The following PPP2R2D variants were observed in gnomAD, a reference collection of about 807,000 sequenced individuals.
PPP2R2D encodes the protein serine/threonine-protein phosphatase 2A 55 kDa regulatory subunit B delta isoform.
A neutral mutation model predicts 31.1 loss-of-function variants in PPP2R2D; 9 were observed. The observed-to-expected ratio is 0.29, with a 90% CI of 0.17 to 0.51. The LOEUF is 0.51. Among genes scored for constraint, PPP2R2D ranks in the 20% least tolerant of loss-of-function variants. PPP2R2D has a pLI of 0.98. For missense variants in PPP2R2D, 391 were observed against 465.6 expected (o/e 0.84, Z 1.48); for synonymous variants, 179 against 172.6 (o/e 1.04, Z -0.29).
chr10:131,952,165 TGCGG>T, intron 8 of PPP2R2D, among the ~76,000 whole-genome samples: 1 of 88,842 alleles, frequency 1.1e-5, no homozygotes, highest in Non-Finnish European at 2.0e-5. Flanking sequence ...AGCAGTGACT[TGCGG>T]GTGTGCAGGG....
Position 131,947,511 on chromosome 10 carries a change from A to C in PPP2R2D, c.821-19A>C, listed in dbSNP as rs1003416152. The C allele has an allele frequency of 9.3e-6, 15 of 1,607,350 alleles. No individual in the cohort carries two copies. The highest frequency in any genetic ancestry group is 1.0e-5 in the Non-Finnish European group (12 of 1,176,194). On this transcript the variant is annotated intron_variant, in intron 7 of 8. Transcript: ENST00000455566. The surrounding 1 kb of genome is among the most constrained non-coding windows in gnomAD (Gnocchi z 4.3). ...TGATTTTTAAACAGAAGCTGAAAACATTTTATTTTGTTTTTCAGTTTTTGA... is the reference window on the plus strand; with the variant it reads ...TGATTTTTAAACAGAAGCTGAAAACCTTTTATTTTGTTTTTCAGTTTTTGA...
chr10:131,905,823 G>A (rs2035573407), intron 2 of PPP2R2D, among the ~76,000 whole-genome samples: 1 of 152,246 alleles, frequency 6.6e-6, no homozygotes, highest in Admixed American at 6.5e-5. Context: ...AGCCAGCACA[G>A]TACTGATGAA....
In PPP2R2D at chr10:131,956,074, C is replaced by A. The variant is rs1211314021; in HGVS notation, c.*111C>A. On this transcript the variant is annotated 3_prime_UTR_variant, in exon 9 of 9. Coordinates refer to ENST00000455566, the MANE Select transcript of PPP2R2D (RefSeq NM_018461.5). ...ATTAAGAACAGTGACGCACCTGCTA[C>A]TTCCCTTCACAGACACAGGAGAAAG... The A allele has an allele frequency of 1.5e-5, 19 of 1,278,342 alleles. No individual in the cohort carries two copies. In the African/African-American group the frequency reaches 2.9e-4, roughly 20 times the overall value. The allele number at this position is 1,278,342 out of a possible 1,614,324, so 79.2% of individuals were successfully genotyped here. A position where few individuals can be genotyped will look rare whatever the true frequency, so the allele number is the denominator to read the frequency against.
chr10:131,934,910 G>A (rs576764864), intron 3 of PPP2R2D: 10 of 458,632 alleles, frequency 2.2e-5, no homozygotes, highest in African/African-American at 8.0e-5. Context: ...GCCCAGCCCC[G>A]CCGTCCTGCC....
At position 131,945,805 on chromosome 10, in the gene PPP2R2D, C is replaced by A; in HGVS notation, c.820+346C>A. ...TAGAGCCACTTGTTCTTCAGACACT[C>A]CAAAGACTTAGAGAGTTCTTCCTGT... On this transcript the variant is annotated intron_variant, in intron 7 of 8. Coordinates refer to ENST00000455566, the MANE Select transcript of PPP2R2D (RefSeq NM_018461.5). The surrounding 1 kb of genome is among the most constrained non-coding windows in gnomAD (Gnocchi z 4.8). The A allele has an allele frequency of 4.9e-6, 1 of 202,140 alleles. No homozygotes were observed. Among genetic ancestry groups the A allele is most frequent in the Non-Finnish European group, 1.0e-5 (1 of 98,370 alleles). The allele number at this position is 202,140 out of a possible 1,614,324, so 12.5% of individuals were successfully genotyped here. A position where few individuals can be genotyped will look rare whatever the true frequency, so the allele number is the denominator to read the frequency against.
At chr10:131,911,490 C>G (rs1374857704) in intron 2 of PPP2R2D, 1 of 152,274 alleles carries the variant, frequency 6.6e-6, no homozygotes, top group Non-Finnish European at 1.5e-5. Context: ...ATTATTTTAA[C>G]TGTTCATCAG....
chr10:131,918,122 GTGTT>G (rs1195702289), intron 2 of PPP2R2D, among the ~76,000 whole-genome samples: 17 of 141,836 alleles, frequency 1.2e-4, no homozygotes, highest in East Asian at 2.3e-4. Context: ...TGGAATGTCA[GTGTT>G]TGTAGGGACC....
chr10:131,925,438 G>A (rs755082753), intron 2 of PPP2R2D, among the ~76,000 whole-genome samples: 1 of 152,154 alleles, frequency 6.6e-6, no homozygotes, highest in Admixed American at 6.5e-5. Context: ...TTAGTATGGT[G>A]TATTACATTG....
intron 2 of PPP2R2D, among the ~76,000 whole-genome samples, chr10:131,926,490 A>C (rs189723610): frequency 2.6e-5 from 4 of 152,278 alleles, no homozygotes; most frequent in Admixed American, 2.6e-4. Context: ...CAGCCTGGAC[A>C]ACATAGTGAG....
downstream of PPP2R2D, among the ~76,000 whole-genome samples, chr10:131,963,125 G>A (rs1243971759): frequency 3.3e-5 from 5 of 152,116 alleles, no homozygotes; most frequent in African/African-American, 1.2e-4. Context: ...AGATTGTGTC[G>A]CTGTACTCCA....
At position 131,945,214 on chromosome 10, in the gene PPP2R2D, G is replaced by A. The variant is rs2119898943; in HGVS notation, c.656-81G>A. 5.4e-6 allele frequency: 8 copies of A among 1,473,976 alleles called. No homozygotes were observed. The highest frequency in any genetic ancestry group is 6.5e-6 in the Non-Finnish European group (7 of 1,083,756). The allele number at this position is 1,473,976 out of a possible 1,614,324, so 91.3% of individuals were successfully genotyped here. A position where few individuals can be genotyped will look rare whatever the true frequency, so the allele number is the denominator to read the frequency against. On this transcript the variant is annotated intron_variant, in intron 6 of 8. Transcript: ENST00000455566. The surrounding 1 kb of genome is among the most constrained non-coding windows in gnomAD (Gnocchi z 4.8). ...TAAACCTCACTGCGTGGATTATTTG[G>A]CGTCCTATTTCGCGTGACTGAATGT...
intron 5 of PPP2R2D, among the ~76,000 whole-genome samples, chr10:131,942,087 C>A (rs1467068886): frequency 1.3e-5 from 2 of 152,096 alleles, no homozygotes; most frequent in Non-Finnish European, 2.9e-5. Flanking sequence ...TGTGATGGGA[C>A]CCCCGAGGGT....
intron 2 of PPP2R2D, among the ~76,000 whole-genome samples, chr10:131,925,316 G>C (rs1424936618): frequency 6.6e-6 from 1 of 152,142 alleles, no homozygotes; most frequent in East Asian, 1.9e-4. Flanking sequence ...TGAGGAAGTT[G>C]CATTTTATTC....
In PPP2R2D at chr10:131,928,745, T is replaced by G. The variant is rs147342532; in HGVS notation, c.101-5713T>G. ...GAAATAGTCACATTTTTATTTTGTT[T>G]TGAAAAACCTAGTGGGTTTTCAAAA... On this transcript the variant is annotated intron_variant, in intron 2 of 8. Transcript: ENST00000455566. Among the ~76,000 whole-genome samples, 1,037 of 152,310 alleles carry G rather than the reference T, an allele frequency of 6.8e-3. 10 individuals are homozygous for G. Among genetic ancestry groups the G allele is most frequent in the African/African-American group, 0.024 (1,002 of 41,562 alleles).
In PPP2R2D at chr10:131,949,486, G is replaced by A. The variant is rs368105126; in HGVS notation, c.1082+1695G>A. Among the ~76,000 whole-genome samples the A allele has an allele frequency of 6.6e-5, 10 of 152,224 alleles. No individual in the cohort carries two copies. In the East Asian group the frequency reaches 1.2e-3, roughly 18 times the overall value. The stretch of plus-strand genomic sequence containing the variant: ...CGTCACATTAAAATCATCTAAACAT[G>A]AGCTCACAGGTGAAAATTACCAAGC... On this transcript the variant is annotated intron_variant, in intron 8 of 8. Coordinates refer to ENST00000455566, the MANE Select transcript of PPP2R2D (RefSeq NM_018461.5).
In PPP2R2D at chr10:131,959,168, G is replaced by GAGATGAAGGTGTGTGCTGA. The variant is rs2036879201; in HGVS notation, c.*3205_*3206insAGATGAAGGTGTGTGCTGA. ...AGATGAAGGTGTGTGCTGATCCCCGGTCCCCCTGTGGAGATGAAGGTGTGT... is the reference window on the plus strand; with the variant it reads ...AGATGAAGGTGTGTGCTGATCCCCGGAGATGAAGGTGTGTGCTGATCCCCCTGTGGAGATGAAGGTGTGT... On this transcript the variant is annotated 3_prime_UTR_variant, in exon 9 of 9. Coordinates refer to ENST00000455566, the MANE Select transcript of PPP2R2D (RefSeq NM_018461.5). The GAGATGAAGGTGTGTGCTGA allele has an allele frequency of 1.6e-5, 1 of 64,332 alleles. No individual in the cohort carries two copies. Among genetic ancestry groups the GAGATGAAGGTGTGTGCTGA allele is most frequent in the Non-Finnish European group, 2.8e-5 (1 of 35,802 alleles). The allele number at this position is 64,332 out of a possible 1,614,324, so 4.0% of individuals were successfully genotyped here.
chr10:131,901,127 G>C lies in PPP2R2D; in HGVS notation c.-22G>C. ...GTCTCCCTGGTCTGCCGCGGTCCCC[G>C]CCCGTCCCGCCGCCGGCTGCCATGG... On this transcript the variant is annotated 5_prime_UTR_variant, in exon 1 of 9. Transcript: ENST00000455566. 5.0e-5 allele frequency: 12 copies of C among 241,908 alleles called. No homozygotes were observed. Among genetic ancestry groups the C allele is most frequent in the Non-Finnish European group, 7.8e-5 (10 of 129,032 alleles). 15.0% of individuals were successfully genotyped at this position (241,908 alleles called of 1,614,324 possible). A position where few individuals can be genotyped will look rare whatever the true frequency, so the allele number is the denominator to read the frequency against.
At chr10:131,913,164 G>T (rs1395844925) in intron 2 of PPP2R2D, among the ~76,000 whole-genome samples, 2 of 151,234 alleles carry the variant, frequency 1.3e-5, no homozygotes, top group East Asian at 3.9e-4. Flanking sequence ...TGATTACAGG[G>T]ATGCCACCAT....
chr10:131,931,387 G>T (rs1403692460), intron 2 of PPP2R2D, among the ~76,000 whole-genome samples: 1 of 152,104 alleles, frequency 6.6e-6, no homozygotes, highest in Admixed American at 6.5e-5. Flanking sequence ...TTGCTTTGTT[G>T]CCCAGGCTGG....
Sources: gnomAD v4.1 joint callset for allele counts (sites outside exome capture counted in the v4.1 genomes callset) on GRCh38, gnomAD v4.1.1 for gene constraint, Gnocchi (gnomAD v3.1) non-coding constraint, MANE v1.5 for transcripts, NCBI Gene and HGNC (gene_info 2026-07-23, HGNC 2026-07-21) for gene names.